TDP1: variants seen among roughly 807,000 people sequenced by gnomAD.
TDP1 encodes tyrosyl-DNA phosphodiesterase 1.
TDP1 carries 64 observed loss-of-function variants against 81.5 expected under a neutral mutation model. That is an observed-to-expected ratio of 0.79 (90% CI 0.64 to 0.97). The LOEUF (loss-of-function observed/expected upper bound fraction) is 0.97, where lower values mean the gene tolerates loss of function less well. TDP1 is among the 50% of genes least tolerant of loss of function. TDP1 has a pLI of 0.00. For synonymous variants in TDP1, 256 were observed against 264.3 expected (o/e 0.97, Z 0.30); for missense variants, 723 against 743.8 (o/e 0.97, Z 0.33).
intron 16 of TDP1, among the ~76,000 whole-genome samples, chr14:90,039,475 T>C (rs1888144225): frequency 6.6e-6 from 1 of 152,114 alleles, no homozygotes; most frequent in African/African-American, 2.4e-5. Context: ...GCGAAGACAG[T>C]GACAGTGGCT....
intron 14 of TDP1, among the ~76,000 whole-genome samples, chr14:89,998,375 TATATATA>T (rs1566890686): frequency 3.1e-3 from 13 of 4,156 alleles, no homozygotes; most frequent in African/African-American, 3.8e-3. Flanking sequence ...AAGCACATTA[TATATATA>T]TATATATATA....
chr14:90,004,667 G>C (rs1030667830), intron 14 of TDP1, among the ~76,000 whole-genome samples: 3 of 152,198 alleles, frequency 2.0e-5, no homozygotes, highest in African/African-American at 7.2e-5. Flanking sequence ...GACAAGACAG[G>C]TGTGGTCCCT....
At chr14:89,995,228 T>C (rs1035959958) in intron 14 of TDP1, among the ~76,000 whole-genome samples, 1 of 152,242 alleles carries the variant, frequency 6.6e-6, no homozygotes, top group Admixed American at 6.5e-5. Context: ...AATTTCAATA[T>C]GCCAGACTGT....
In TDP1 at chr14:89,963,291, A is replaced by T; in HGVS notation, c.177A>T (p.Lys59Asn). Residue 59 changes from lysine (K) to asparagine (N), a missense_variant, in exon 3 of 17, where the codon AAA becomes AAT. By Grantham distance (94) the Lys-to-Asn change is moderately conservative. Transcript: ENST00000335725. ...SEAQKAAHKR[K>N]ISPVKFSNTD... Reference sequence around the variant, plus strand: ...CCCAGAAAGCTGCACACAAGAGGAAAATATCACCTGTGAAATTCAGCAATA... The same window carrying T: ...CCCAGAAAGCTGCACACAAGAGGAATATATCACCTGTGAAATTCAGCAATA... The T allele has an allele frequency of 6.2e-7, 1 of 1,614,202 alleles. No homozygotes were observed. The highest frequency in any genetic ancestry group is 8.5e-7 in the Non-Finnish European group (1 of 1,180,030).
chr14:89,989,579 A>G, intron 11 of TDP1, 138 bp from the exon 12 acceptor site: 1 of 1,113,712 alleles, frequency 9.0e-7, no homozygotes, highest in Non-Finnish European at 1.3e-6. Flanking sequence ...TCATAAGATG[A>G]GAACTTTTAA....
At chr14:90,007,845 C>G (rs972107853) in intron 14 of TDP1, among the ~76,000 whole-genome samples, 1 of 152,152 alleles carries the variant, frequency 6.6e-6, no homozygotes, top group Non-Finnish European at 1.5e-5. Context: ...AATCCTTCCA[C>G]CTCAGCCTCC....
intron 15 of TDP1, among the ~76,000 whole-genome samples, chr14:90,025,904 C>T (rs1355034987): frequency 1.3e-5 from 2 of 152,166 alleles, no homozygotes; most frequent in African/African-American, 4.8e-5. Context: ...GCCTAGTGCA[C>T]TGTGGCTAGA....
rs1189462088 is a variant in TDP1, at chr14:90,043,575, G to A, written c.*432G>A. 5 of 190,614 alleles carry A rather than the reference G, an allele frequency of 2.6e-5. No homozygotes were observed. The highest frequency in any genetic ancestry group is 1.2e-4 in the African/African-American group (5 of 42,122). 11.8% of individuals were successfully genotyped at this position (190,614 alleles called of 1,614,324 possible). A position where few individuals can be genotyped will look rare whatever the true frequency, so the allele number is the denominator to read the frequency against. On this transcript the variant is annotated 3_prime_UTR_variant, in exon 17 of 17. Coordinates refer to ENST00000335725, the MANE Select transcript of TDP1 (RefSeq NM_018319.4). ...ACACCTTATATACAATAACCTAAAGGTGATTTTATATGATATTTTGAGTAA... is the reference window on the plus strand; with the variant it reads ...ACACCTTATATACAATAACCTAAAGATGATTTTATATGATATTTTGAGTAA...
At chr14:89,992,626 T>C (rs1896312124) in intron 13 of TDP1, among the ~76,000 whole-genome samples, 1 of 152,238 alleles carries the variant, frequency 6.6e-6, no homozygotes, top group African/African-American at 2.4e-5. Flanking sequence ...TTTTCTTTAG[T>C]GCTTTCTTGA....
chr14:89,973,759 T>A (rs1338531543), intron 6 of TDP1, among the ~76,000 whole-genome samples: 1 of 151,986 alleles, frequency 6.6e-6, no homozygotes, highest in Non-Finnish European at 1.5e-5. Context: ...ATTACCTGGG[T>A]GACTTTTCTT....
intron 14 of TDP1, among the ~76,000 whole-genome samples, chr14:90,007,562 C>G (rs1884182288): frequency 6.6e-6 from 1 of 152,078 alleles, no homozygotes; most frequent in African/African-American, 2.4e-5. Flanking sequence ...GCACTCCAAC[C>G]TGGGTAATAG....
At chr14:90,023,167 C>T in intron 15 of TDP1, 3 of 708,494 alleles carry the variant, frequency 4.2e-6, no homozygotes, top group South Asian at 1.5e-5. Context: ...TACAGGGGCT[C>T]TGAGAAGAGG....
chr14:89,975,812 A>G lies in TDP1; in HGVS notation c.788A>G (p.His263Arg). Residue 263 changes from histidine (H) to arginine (R), a missense_variant, in exon 7 of 17, where the codon CAC (histidine) becomes CGC (arginine). By Grantham distance (29) the His-to-Arg change is conservative. Transcript: ENST00000335725. ...TTGGATATTGCGTTTGGAACACACCACACGTAAGCACTTTTTGTGAAATAG... is the reference window on the plus strand; with the variant it reads ...TTGGATATTGCGTTTGGAACACACCGCACGTAAGCACTTTTTGTGAAATAG... ...AKLDIAFGTHHTKMMLLLYEE... is the reference protein window; with the variant it reads ...AKLDIAFGTHRTKMMLLLYEE... The G allele has an allele frequency of 6.2e-7, 1 of 1,612,412 alleles. No individual in the cohort carries two copies.
At chr14:90,017,299 A>G (rs1162606829) in intron 14 of TDP1, among the ~76,000 whole-genome samples, 1 of 145,594 alleles carries the variant, frequency 6.9e-6, no homozygotes, top group African/African-American at 2.6e-5. Flanking sequence ...TGGCTGCCCC[A>G]GGTGCCCGTG....
chr14:90,010,853 G>GA (rs978333518), intron 14 of TDP1, among the ~76,000 whole-genome samples: 2 of 152,032 alleles, frequency 1.3e-5, no homozygotes, highest in Non-Finnish European at 2.9e-5. Context: ...CATATCAAGA[G>GA]AAAAAAACAG....
intron 15 of TDP1, among the ~76,000 whole-genome samples, chr14:90,020,179 C>G (rs1885805613): frequency 6.6e-6 from 1 of 152,144 alleles, no homozygotes; most frequent in South Asian, 2.1e-4. Flanking sequence ...TACAAGCCAT[C>G]TGTTTCTCTA....
At chr14:90,008,280 G>A (rs1369725327) in intron 14 of TDP1, among the ~76,000 whole-genome samples, 2 of 152,130 alleles carry the variant, frequency 1.3e-5, no homozygotes, top group African/African-American at 4.8e-5. Context: ...CTTTGCCTCT[G>A]AGTTGCATTC....
chr14:90,019,201 A>G, intron 14 of TDP1, 115 bp from the exon 15 acceptor site: 1 of 1,303,948 alleles, frequency 7.7e-7, no homozygotes. Flanking sequence ...TAGAAAATGA[A>G]TGAATGTGAT....
intron 3 of TDP1, among the ~76,000 whole-genome samples, chr14:89,964,131 C>G (rs1892661611): frequency 6.6e-6 from 1 of 152,148 alleles, no homozygotes; most frequent in Admixed American, 6.5e-5. Flanking sequence ...TTTTCACGAG[C>G]CCTTGAGGGG....
Sources: gnomAD v4.1 joint callset for allele counts (sites outside exome capture counted in the v4.1 genomes callset) on GRCh38, gnomAD v4.1.1 for gene constraint, MANE v1.5 for transcripts, NCBI Gene and HGNC (gene_info 2026-07-23, HGNC 2026-07-21) for gene names.